SH3BP5: variants seen among roughly 807,000 people sequenced by gnomAD.
SH3BP5 encodes SH3 domain binding protein 5.
In SH3BP5, 22 loss-of-function variants were observed where a neutral mutation model predicts 43.3. The ratio of observed to expected loss-of-function variants is 0.51; its 90% CI spans 0.36 to 0.73. SH3BP5 has a LOEUF of 0.73. Ranked by LOEUF, SH3BP5 falls within the 30% of genes least tolerant of loss-of-function variation. The pLI, the probability that SH3BP5 is intolerant of heterozygous loss-of-function variation, is 0.00. For synonymous variants in SH3BP5, 255 were observed against 225.8 expected (o/e 1.13, Z -1.16); for missense variants, 529 against 586.9 (o/e 0.90, Z 1.02).
intron 3 of SH3BP5, among the ~76,000 whole-genome samples, chr3:15,272,773 T>A (rs931604759): frequency 6.6e-6 from 1 of 152,146 alleles, no homozygotes; most frequent in Non-Finnish European, 1.5e-5. Flanking sequence ...AGTGAAGACC[T>A]TGAATGAATG....
chr3:15,318,277 G>A (rs1024225679), intron 2 of SH3BP5, among the ~76,000 whole-genome samples: 1 of 152,120 alleles, frequency 6.6e-6, no homozygotes, highest in Admixed American at 6.5e-5. Context: ...ACATTTGTTG[G>A]ACATATATGC....
intron 1 of SH3BP5, 175 bp from the exon 2 acceptor site, chr3:15,330,741 G>C (rs1698589936): frequency 1.0e-6 from 1 of 985,118 alleles, no homozygotes; most frequent in African/African-American, 1.7e-5. Context: ...AATGAATGTC[G>C]GCATTTCTGA....
At chr3:15,259,515 C>G in intron 6 of SH3BP5, 1 of 597,738 alleles carries the variant, frequency 1.7e-6, no homozygotes, top group Non-Finnish European at 3.0e-6. Context: ...GCTGCTGGTC[C>G]TAAGAGCATG....
intron 3 of SH3BP5, among the ~76,000 whole-genome samples, chr3:15,271,244 G>A (rs1696789031): frequency 6.6e-6 from 1 of 152,176 alleles, no homozygotes; most frequent in South Asian, 2.1e-4. Flanking sequence ...CGAGCATGGT[G>A]GCACATGGCT....
At position 15,264,764 on chromosome 3, in the gene SH3BP5, T is replaced by C. The variant is rs9827269; in HGVS notation, c.496-2475A>G. On this transcript the variant is annotated intron_variant, in intron 4 of 8. Coordinates refer to ENST00000383791, the MANE Select transcript of SH3BP5 (RefSeq NM_004844.5). ...TGCACTAAAAATATCTCATGCTTGATACTTGGGGAAACAGCAGTAAATCTT... is the reference window on the plus strand; with the variant it reads ...TGCACTAAAAATATCTCATGCTTGACACTTGGGGAAACAGCAGTAAATCTT... 1.0e-2 allele frequency among the ~76,000 whole-genome samples: 1,515 copies of C among 152,250 alleles called. 19 individuals carry two copies. Among genetic ancestry groups the C allele is most frequent in the African/African-American group, 0.035 (1,437 of 41,536 alleles).
At chr3:15,267,440 C>T (rs1251749094) in intron 4 of SH3BP5, among the ~76,000 whole-genome samples, 1 of 152,186 alleles carries the variant, frequency 6.6e-6, no homozygotes, top group Non-Finnish European at 1.5e-5. Flanking sequence ...GGGGCATTTC[C>T]AGCCTATGCA....
chr3:15,313,576 CCCAT>C (rs1212946894), intron 2 of SH3BP5, among the ~76,000 whole-genome samples: 2 of 152,206 alleles, frequency 1.3e-5, no homozygotes, highest in African/African-American at 4.8e-5. Context: ...TTTCTTTTCA[CCCAT>C]CCAATCTATT....
At chr3:15,305,778 C>G (rs948590093) in intron 2 of SH3BP5, among the ~76,000 whole-genome samples, 2 of 152,070 alleles carry the variant, frequency 1.3e-5, no homozygotes, top group Non-Finnish European at 2.9e-5. Flanking sequence ...GGTGGCCATC[C>G]ATCCTGGCGA....
Position 15,256,320 on chromosome 3 carries a change from A to G in SH3BP5, c.1151-17T>C, listed in dbSNP as rs17040913. The G allele has an allele frequency of 8.0e-3, 12,819 of 1,608,890 alleles. 850 individuals carry two copies. The African/African-American group carries it at 0.15, about 19-fold the overall frequency. ...CCCTGTCTCCTATAGAAATACAAGG[A>G]TTATCAAAAGTGAGTATTGACAATT... On this transcript the variant is annotated splice_polypyrimidine_tract_variant and intron_variant, in intron 8 of 8. Coordinates refer to ENST00000383791, the MANE Select transcript of SH3BP5 (RefSeq NM_004844.5).
intron 3 of SH3BP5, chr3:15,276,026 A>AG (rs1376319691): frequency 4.1e-4 from 62 of 151,690 alleles, no homozygotes; most frequent in African/African-American, 1.5e-3. Flanking sequence ...TCTCAAAAAA[A>AG]AAAAAAAAAA....
chr3:15,336,483 T>G (rs1480296258), upstream of SH3BP5, among the ~76,000 whole-genome samples: 1 of 152,204 alleles, frequency 6.6e-6, no homozygotes, highest in Non-Finnish European at 1.5e-5. Flanking sequence ...AGGAGATCCA[T>G]TAGCCTGATG....
chr3:15,304,183 G>A lies in SH3BP5; in HGVS notation c.250C>T (p.Leu84=). ...RSVLVEATVK[L]DELVKKIGKA... is the part of the protein sequence containing the mutation. ...CCAATTTTCTTCACCAGTTCATCCA[G>A]TTTCACCGTTGCTTCAACCAGAACA... Residue 84 remains leucine (L), a synonymous_variant, in exon 3 of 9, where the codon CTG becomes TTG. Transcript: ENST00000383791. The A allele has an allele frequency of 6.2e-7, 1 of 1,614,162 alleles. No individual in the cohort carries two copies. Among genetic ancestry groups the A allele is most frequent in the East Asian group, 2.2e-5 (1 of 44,890 alleles).
At position 15,332,426 on chromosome 3, in the gene SH3BP5, G is replaced by A. The variant is rs778671313; in HGVS notation, c.-18C>T. 1.4e-5 allele frequency: 21 copies of A among 1,529,430 alleles called. No homozygotes were observed. The South Asian group carries it at 2.5e-4, about 18-fold the overall frequency. 94.7% of individuals were successfully genotyped at this position (1,529,430 alleles called of 1,614,324 possible). On this transcript the variant is annotated 5_prime_UTR_variant, in exon 1 of 9. Transcript: ENST00000383791. ...GCGTCCATGCAGGCAGCCGGCACGC[G>A]CGCCGCGCAGTGGGCTCCGGAGCGC...
At chr3:15,326,686 G>A (rs921034549) in intron 2 of SH3BP5, among the ~76,000 whole-genome samples, 2 of 152,172 alleles carry the variant, frequency 1.3e-5, no homozygotes, top group Non-Finnish European at 2.9e-5. Context: ...CCTGCTTTCA[G>A]TGCCCATCCT....
chr3:15,274,389 G>A (rs1449651013), intron 3 of SH3BP5, among the ~76,000 whole-genome samples: 1 of 152,174 alleles, frequency 6.6e-6, no homozygotes, highest in Non-Finnish European at 1.5e-5. Flanking sequence ...GGAGGCCTCA[G>A]GATACTTACA....
At chr3:15,294,360 A>G (rs186904355) in intron 3 of SH3BP5, among the ~76,000 whole-genome samples, 7 of 150,944 alleles carry the variant, frequency 4.6e-5, no homozygotes, top group Admixed American at 4.6e-4. Context: ...ACTCCCCCTC[A>G]TGCATGTAAA....
Position 15,262,032 on chromosome 3 carries a change from G to C in SH3BP5, c.626+127C>G, listed in dbSNP as rs550116227. Reference sequence around the variant, plus strand: ...AGAGAGCCTGAGCAGGGGGGCTCTGGTGAGGCCCCAGGGTCTACATCAAAG... The same window carrying C: ...AGAGAGCCTGAGCAGGGGGGCTCTGCTGAGGCCCCAGGGTCTACATCAAAG... On this transcript the variant is annotated intron_variant, in intron 5 of 8. Coordinates refer to ENST00000383791, the MANE Select transcript of SH3BP5 (RefSeq NM_004844.5). The C allele has an allele frequency of 3.1e-4, 324 of 1,059,124 alleles. 1 individual carries two copies. The African/African-American group carries it at 4.8e-3, about 16-fold the overall frequency. 65.6% of individuals were successfully genotyped at this position (1,059,124 alleles called of 1,614,324 possible). A position where few individuals can be genotyped will look rare whatever the true frequency, so the allele number is the denominator to read the frequency against.
At position 15,255,899 on chromosome 3, in the gene SH3BP5, C is replaced by G. The variant is rs1169156519; in HGVS notation, c.*187G>C. 8.3e-6 allele frequency: 5 copies of G among 603,684 alleles called. No individual in the cohort carries two copies. Among genetic ancestry groups the G allele is most frequent in the Non-Finnish European group, 1.2e-5 (4 of 340,870 alleles). 37.4% of individuals were successfully genotyped at this position (603,684 alleles called of 1,614,324 possible). A position where few individuals can be genotyped will look rare whatever the true frequency, so the allele number is the denominator to read the frequency against. ...GTCTACCCACAACAAGAACTCTGCTCTGAAAAACCAGCCCAAGAGCTCTTA... is the reference window on the plus strand; with the variant it reads ...GTCTACCCACAACAAGAACTCTGCTGTGAAAAACCAGCCCAAGAGCTCTTA... On this transcript the variant is annotated 3_prime_UTR_variant, in exon 9 of 9. Coordinates refer to ENST00000383791, the MANE Select transcript of SH3BP5 (RefSeq NM_004844.5).
intron 8 of SH3BP5, 73 bp downstream of exon 8, chr3:15,256,780 T>C (rs1332806214): frequency 3.3e-6 from 5 of 1,501,682 alleles, no homozygotes; most frequent in Non-Finnish European, 4.5e-6. Flanking sequence ...CTGGCAGAGG[T>C]ATGGAATGGC....
Sources: allele counts gnomAD v4.1 joint callset (sites outside exome capture counted in the v4.1 genomes callset), GRCh38; gene constraint gnomAD v4.1.1; transcripts MANE v1.5; gene names NCBI Gene and HGNC (gene_info 2026-07-23, HGNC 2026-07-21).